ALDH16A1: variants seen among roughly 807,000 people sequenced by gnomAD.
ALDH16A1 encodes the protein aldehyde dehydrogenase 16 family member A1.
Under a neutral mutation model 96.1 loss-of-function variants are expected in ALDH16A1, and 88 were observed. The ratio of observed to expected loss-of-function variants is 0.92; its 90% CI spans 0.77 to 1.09. The LOEUF is 1.09. ALDH16A1 is among the 50% of genes least tolerant of loss of function. The pLI, the probability that ALDH16A1 is intolerant of heterozygous loss-of-function variation, is 0.00. For missense variants in ALDH16A1, 1,250 were observed against 1,112.6 expected, an observed-to-expected ratio of 1.12 and a Z score of -1.76; for synonymous variants, 522 against 496.4, an observed-to-expected ratio of 1.05 and a Z score of -0.69.
intron 1 of ALDH16A1, among the ~76,000 whole-genome samples, chr19:49,455,289 A>G (rs7252656): frequency 0.78 from 116,524 of 150,290 alleles, 45,836 homozygotes; most frequent in African/African-American, 0.89. Flanking sequence ...GGTGGCAGGC[A>G]CCTGTAATCC....
chr19:49,470,262 A>G (rs766906715), intron 16 of ALDH16A1, 44 bp from the exon 17 acceptor site: 1 of 1,607,838 alleles, frequency 6.2e-7, no homozygotes, highest in Non-Finnish European at 8.5e-7. Context: ...GTGCTCAGCA[A>G]CAAGCCTGCA....
At chr19:49,458,411 A>G in intron 1 of ALDH16A1, 75 bp from the exon 2 acceptor site, 2 of 1,154,234 alleles carry the variant, frequency 1.7e-6, no homozygotes, top group Admixed American at 2.0e-5. Flanking sequence ...GTCCCCTCCT[A>G]GAGGATTCTG....
chr19:49,454,101 C>G (rs956271466), intron 1 of ALDH16A1, among the ~76,000 whole-genome samples: 6 of 148,832 alleles, frequency 4.0e-5, no homozygotes, highest in Non-Finnish European at 7.4e-5. Flanking sequence ...CACACCACTG[C>G]AGCCTCAACC....
chr19:49,464,858 T>C, intron 12 of ALDH16A1, 96 bp downstream of exon 12: 1 of 1,562,876 alleles, frequency 6.4e-7, no homozygotes. Flanking sequence ...GCGAGGTCCA[T>C]CCAAACCATC....
rs747059494 is a variant in ALDH16A1 at position 49,462,025 on chromosome 19, G to A, written c.901G>A (p.Asp301Asn). The A allele has an allele frequency of 1.6e-5, 25 of 1,541,582 alleles. No homozygotes were observed. The highest frequency in any genetic ancestry group is 4.9e-5 in the East Asian group (2 of 41,068). The change falls in exon 7 of 17, where the codon GAC (aspartate) becomes AAC (asparagine). Residue 301 changes from aspartate (D) to asparagine (N), a missense_variant. Transcript: ENST00000293350. ...GGGTGTCGTGGACGCCGCCTGGTCC[G>A]ACCGCGGCCCGGTGAGACCCGTGCG... The part of the protein sequence containing the change: ...VEGVVDAAWS[D>N]RGPGGLRLLI...
chr19:49,462,957 T>C (rs12979927), intron 8 of ALDH16A1, among the ~76,000 whole-genome samples: 24,580 of 43,356 alleles, frequency 0.57, 7,572 homozygotes, highest in Middle Eastern at 0.77. Flanking sequence ...GGGGCCTGGA[T>C]TCCTGGGTCT....
chr19:49,453,568 G>A, intron 1 of ALDH16A1, 147 bp downstream of exon 1: 1 of 741,468 alleles, frequency 1.3e-6, no homozygotes, highest in Non-Finnish European at 2.2e-6. Context: ...ATAGGATCGC[G>A]CCCTGTAGGA....
Position 49,465,781 on chromosome 19 carries a change from G to T in ALDH16A1, c.1612G>T (p.Ala538Ser). The part of the protein sequence containing the change: ...YGLFVGGRFQ[A>S]PGARSSRPIR... Reference sequence around the variant, plus strand: ...GCTCTTCGTTGGGGGCCGTTTCCAGGCTCCTGGGGCCCGAAGCTCCAGGCC... The same window carrying T: ...GCTCTTCGTTGGGGGCCGTTTCCAGTCTCCTGGGGCCCGAAGCTCCAGGCC... Residue 538 changes from alanine to serine, a missense_variant, in exon 13 of 17, where the codon GCT becomes TCT. Coordinates refer to ENST00000293350, the MANE Select transcript of ALDH16A1 (RefSeq NM_153329.4). The T allele has an allele frequency of 3.1e-6, 5 of 1,614,112 alleles. No homozygotes were observed. The highest frequency in any genetic ancestry group is 3.4e-6 in the Non-Finnish European group (4 of 1,180,002).
Position 49,459,697 on chromosome 19 carries a change from G to A in ALDH16A1, c.348G>A (p.Gln116=), listed in dbSNP as rs756830978. The change falls in exon 4 of 17, where the codon CAG becomes CAA. Residue 116 remains glutamine, a synonymous_variant. Coordinates refer to ENST00000293350, the MANE Select transcript of ALDH16A1 (RefSeq NM_153329.4). The surrounding 1 kb of genome is among the most constrained non-coding windows in gnomAD (Gnocchi z 4.1). ...TRLAEVIQKH[Q]RLLWTLESLV... is the part of the protein sequence containing the mutation. The stretch of plus-strand genomic sequence containing the variant: ...TGGCCGAGGTGATCCAGAAGCACCA[G>A]CGGCTGCTGTGGACCCTGGAATCCC... The A allele has an allele frequency of 6.2e-6, 10 of 1,608,522 alleles. No homozygotes were observed. Among genetic ancestry groups the A allele is most frequent in the Non-Finnish European group, 8.5e-6 (10 of 1,178,078 alleles).
At position 49,468,303 on chromosome 19, in the gene ALDH16A1, G is replaced by A; in HGVS notation, c.1939-78G>A. 6.9e-7 allele frequency: 1 copy of A among 1,452,258 alleles called. No homozygotes were observed. 90.0% of individuals were successfully genotyped at this position (1,452,258 alleles called of 1,614,324 possible). ...TTGGGCCAACACCAAGTGTTGGGGA[G>A]AATGTAGAGGAACTGGATCTCTCAT... On this transcript the variant is annotated intron_variant, in intron 14 of 16. Coordinates refer to ENST00000293350, the MANE Select transcript of ALDH16A1 (RefSeq NM_153329.4). The surrounding 1 kb of genome is among the most constrained non-coding windows in gnomAD (Gnocchi z 4.4).
intron 9 of ALDH16A1, 39 bp downstream of exon 9, chr19:49,463,988 A>C (rs1488802378): frequency 4.4e-6 from 7 of 1,586,514 alleles, no homozygotes; most frequent in Non-Finnish European, 6.0e-6. Context: ...ACCCACCGCC[A>C]GCCAAGGGCA....
Position 49,464,494 on chromosome 19 carries a change from G to C in ALDH16A1, c.1409G>C (p.Ser470Thr). 6.2e-7 allele frequency: 1 copy of C among 1,613,768 alleles called. No homozygotes were observed. The highest frequency in any genetic ancestry group is 8.5e-7 in the Non-Finnish European group (1 of 1,179,922). The change falls in exon 11 of 17, where the codon AGT becomes ACT. Residue 470 changes from serine (S) to threonine (T), a missense_variant. Ser to Thr is a moderately conservative substitution (Grantham distance 58). Coordinates refer to ENST00000293350, the MANE Select transcript of ALDH16A1 (RefSeq NM_153329.4). ...PSVPTGGCKE[S>T]GCSWHGGPDG... Reference sequence around the variant, plus strand: ...GTGCCCACAGGCGGCTGCAAGGAGAGTGGGTGTTCCTGGCACGGGGGCCCA... The same window carrying C: ...GTGCCCACAGGCGGCTGCAAGGAGACTGGGTGTTCCTGGCACGGGGGCCCA...
At position 49,462,055 on chromosome 19, in the gene ALDH16A1, C is replaced by T. The variant is rs752619361; in HGVS notation, c.912+19C>T. ...CGGCCCGGTGAGACCCGTGCGCTCCCGTCTCCTCATACCCTGGAGGCCGTT... is the reference window on the plus strand; with the variant it reads ...CGGCCCGGTGAGACCCGTGCGCTCCTGTCTCCTCATACCCTGGAGGCCGTT... On this transcript the variant is annotated intron_variant, in intron 7 of 16. Transcript: ENST00000293350. 1 of 1,534,254 alleles carries T rather than the reference C, an allele frequency of 6.5e-7. No homozygotes were observed.
At position 49,459,738 on chromosome 19, in the gene ALDH16A1, C is replaced by G; in HGVS notation, c.389C>G (p.Ala130Gly). 1 of 1,613,732 alleles carries G rather than the reference C, an allele frequency of 6.2e-7. No individual in the cohort carries two copies. The change falls in exon 4 of 17, where the codon GCT becomes GGT. Residue 130 changes from alanine (A) to glycine (G), a missense_variant. Transcript: ENST00000293350. The surrounding 1 kb of genome is among the most constrained non-coding windows in gnomAD (Gnocchi z 4.1). ...WTLESLVTGR[A>G]VREVRDGDVQ... is the part of the protein sequence containing the mutation. ...CTGGAATCCCTGGTGACTGGGCGGG[C>G]TGTTCGAGAGGTTCGAGACGGGGAC...
At chr19:49,466,921 T>C (rs1198524926) in intron 14 of ALDH16A1, among the ~76,000 whole-genome samples, 1 of 151,006 alleles carries the variant, frequency 6.6e-6, no homozygotes, top group Non-Finnish European at 1.5e-5. Flanking sequence ...CCTGTAATCC[T>C]AGCACTTTGG....
rs756278840 is a variant in ALDH16A1, at chr19:49,458,590, T to C, written c.193+2T>C. 1 of 1,555,960 alleles carries C rather than the reference T, an allele frequency of 6.4e-7. No homozygotes were observed. Among genetic ancestry groups the C allele is most frequent in the South Asian group, 1.2e-5 (1 of 84,528 alleles). On this transcript the variant is annotated splice_donor_variant, in intron 2 of 16. Transcript: ENST00000293350. LOFTEE classifies it high-confidence loss of function. ...TGCCTTGCCAGGATCCCATCACAGG[T>C]ACGAGATGTCCCCCAGTCATTAGTG...
In ALDH16A1 at chr19:49,459,064, G is replaced by A. The variant is rs750922313; in HGVS notation, c.298G>A (p.Val100Ile). 2.9e-5 allele frequency: 46 copies of A among 1,612,874 alleles called. No individual in the cohort carries two copies. Among genetic ancestry groups the A allele is most frequent in the Non-Finnish European group, 3.6e-5 (42 of 1,179,914 alleles). ...GGGCTGGAGTGCGCACCCCGGCGTC[G>A]TCCGGGCCCAGCACCTGACCAGGTG... ...FKGWSAHPGVVRAQHLTRLAE... is the reference protein window; with the variant it reads ...FKGWSAHPGVIRAQHLTRLAE... Residue 100 changes from valine to isoleucine, a missense_variant, in exon 3 of 17, where the codon GTC (valine) becomes ATC (isoleucine). Transcript: ENST00000293350. This position sits in a 1 kb window ranked among gnomAD's most constrained non-coding sequence, Gnocchi z 4.1.
chr19:49,468,676 A>G lies in ALDH16A1; in HGVS notation c.2124+110A>G, dbSNP rs1319972023. On this transcript the variant is annotated intron_variant, in intron 15 of 16. Transcript: ENST00000293350. This position sits in a 1 kb window ranked among gnomAD's most constrained non-coding sequence, Gnocchi z 4.4. The stretch of plus-strand genomic sequence containing the variant: ...TCTTACCCCACCCTCCGTGGTACCC[A>G]TGCTGCCCCCAGCCCCAGCACCCAA... 1.4e-6 allele frequency: 2 copies of G among 1,432,338 alleles called. No homozygotes were observed. The highest frequency in any genetic ancestry group is 1.9e-6 in the Non-Finnish European group (2 of 1,058,746). 88.7% of individuals were successfully genotyped at this position (1,432,338 alleles called of 1,614,324 possible).
intron 9 of ALDH16A1, 78 bp from the exon 10 acceptor site, chr19:49,464,049 G>A: frequency 6.3e-7 from 1 of 1,577,562 alleles, no homozygotes. Flanking sequence ...ACCTGGGCGT[G>A]GGGGCTGCTG....
Sources: gnomAD v4.1 joint callset for allele counts (sites outside exome capture counted in the v4.1 genomes callset) on GRCh38, gnomAD v4.1.1 for gene constraint, Gnocchi (gnomAD v3.1) non-coding constraint, MANE v1.5 for transcripts, NCBI Gene and HGNC (gene_info 2026-07-23, HGNC 2026-07-21) for gene names.